The following HCN1 variants were observed in gnomAD, a reference collection of about 807,000 sequenced individuals.
HCN1 encodes the protein hyperpolarization activated cyclic nucleotide gated potassium channel 1.
Under a neutral mutation model 78.9 loss-of-function variants are expected in HCN1, and 13 were observed. The ratio of observed to expected loss-of-function variants is 0.16; its 90% CI spans 0.11 to 0.26. HCN1 has a LOEUF of 0.26. HCN1 is among the 10% of genes least tolerant of loss of function. The pLI, the probability that HCN1 is intolerant of heterozygous loss-of-function variation, is 1.00. For missense variants in HCN1, 810 were observed against 1,154.3 expected (o/e 0.70, Z 4.32); for synonymous variants, 552 against 455.5 (o/e 1.21, Z -2.70).
intron 6 of HCN1, among the ~76,000 whole-genome samples, chr5:45,292,498 T>C (rs571675808): frequency 1.3e-5 from 2 of 152,102 alleles, no homozygotes; most frequent in African/African-American, 4.8e-5. Flanking sequence ...GACTATATTA[T>C]CTGATCCCTA....
At chr5:45,435,655 G>T (rs1338478507) in intron 3 of HCN1, among the ~76,000 whole-genome samples, 2 of 152,142 alleles carry the variant, frequency 1.3e-5, no homozygotes, top group Non-Finnish European at 2.9e-5. Context: ...GAGATGGGGT[G>T]TGGGTTTAAT....
intron 2 of HCN1, among the ~76,000 whole-genome samples, chr5:45,470,386 A>G (rs1336340048): frequency 6.6e-6 from 1 of 151,970 alleles, no homozygotes; most frequent in Non-Finnish European, 1.5e-5. Flanking sequence ...ATATAAAAAC[A>G]TATTAGTGCA....
chr5:45,617,024 T>C (rs1286886534), intron 2 of HCN1, among the ~76,000 whole-genome samples: 1 of 152,134 alleles, frequency 6.6e-6, no homozygotes, highest in African/African-American at 2.4e-5. Flanking sequence ...TAGTAGGAGC[T>C]AGAGGTGGGA....
chr5:45,427,059 G>A (rs1320767336), intron 3 of HCN1, among the ~76,000 whole-genome samples: 2 of 151,604 alleles, frequency 1.3e-5, no homozygotes, highest in African/African-American at 2.4e-5. Context: ...ACACATATTC[G>A]AGTAGTCTTG....
chr5:45,602,854 T>G (rs779099823), intron 2 of HCN1, among the ~76,000 whole-genome samples: 3 of 152,066 alleles, frequency 2.0e-5, no homozygotes, highest in African/African-American at 7.2e-5. Context: ...TTCACTTCTA[T>G]TCTTAATAAT....
intron 6 of HCN1, among the ~76,000 whole-genome samples, chr5:45,282,565 G>A (rs1247387130): frequency 6.6e-6 from 1 of 152,116 alleles, no homozygotes; most frequent in East Asian, 1.9e-4. Context: ...TACTGTCAGT[G>A]GAATAAATTT....
At chr5:45,372,211 A>ATTT (rs1227935982) in intron 4 of HCN1, among the ~76,000 whole-genome samples, 1 of 72,996 alleles carries the variant, frequency 1.4e-5, no homozygotes, top group South Asian at 4.2e-4. Flanking sequence ...TACATATTAT[A>ATTT]TAATATAATA....
chr5:45,508,959 C>T (rs148196219), intron 2 of HCN1, among the ~76,000 whole-genome samples: 89 of 152,150 alleles, frequency 5.8e-4, no homozygotes, highest in African/African-American at 1.8e-3. Flanking sequence ...ACTATTCAGC[C>T]TGCTTGTAAA....
chr5:45,310,778 G>C (rs1476224992), intron 5 of HCN1, among the ~76,000 whole-genome samples: 1 of 152,140 alleles, frequency 6.6e-6, no homozygotes, highest in African/African-American at 2.4e-5. Flanking sequence ...GCTCATCAAT[G>C]AATGACTGGA....
intron 2 of HCN1, among the ~76,000 whole-genome samples, chr5:45,607,423 A>G (rs1744744915): frequency 6.6e-6 from 1 of 151,686 alleles, no homozygotes; most frequent in South Asian, 2.1e-4. Context: ...TGGTTAATAA[A>G]AGAAGCATAA....
intron 2 of HCN1, among the ~76,000 whole-genome samples, chr5:45,465,765 A>C (rs1741257941): frequency 6.6e-6 from 1 of 152,180 alleles, no homozygotes; most frequent in Non-Finnish European, 1.5e-5. Flanking sequence ...GAAAAAAAAA[A>C]GTTTTTAAAC....
intron 3 of HCN1, among the ~76,000 whole-genome samples, chr5:45,418,411 G>A (rs1740161207): frequency 6.7e-6 from 1 of 148,740 alleles, no homozygotes; most frequent in Admixed American, 6.6e-5. Context: ...GATGAGCTCT[G>A]TGATAGGCTA....
In HCN1 at chr5:45,293,479, A is replaced by AAAAACAAAAC. The variant is rs531512653; in HGVS notation, c.1618+10110_1618+10119dup. On this transcript the variant is annotated intron_variant, in intron 6 of 7. Coordinates refer to ENST00000303230, the MANE Select transcript of HCN1 (RefSeq NM_021072.4). ...GGTGACAGAGCAAGACATGGTCTAC[A>AAAAACAAAAC]AAAACAAAACAAAACAAAACAAAAC... is the stretch of plus-strand genomic sequence containing the variant. Among the ~76,000 whole-genome samples, 591 of 151,938 alleles carry AAAAACAAAAC rather than the reference A, an allele frequency of 3.9e-3. 3 individuals carry two copies. The highest frequency in any genetic ancestry group is 0.012 in the African/African-American group (515 of 41,448).
intron 4 of HCN1, among the ~76,000 whole-genome samples, chr5:45,370,301 C>G (rs1747326327): frequency 6.6e-6 from 1 of 151,998 alleles, no homozygotes; most frequent in Admixed American, 6.6e-5. Flanking sequence ...AAGATGTTAA[C>G]TGAAAAACTT....
intron 2 of HCN1, among the ~76,000 whole-genome samples, chr5:45,546,572 T>G (rs1008561378): frequency 3.9e-5 from 6 of 151,928 alleles, no homozygotes; most frequent in Admixed American, 3.9e-4. Flanking sequence ...TTTCCCATCT[T>G]AGTTCTATTA....
chr5:45,416,793 A>G (rs1740127478), intron 3 of HCN1, among the ~76,000 whole-genome samples: 1 of 152,018 alleles, frequency 6.6e-6, no homozygotes, highest in Non-Finnish European at 1.5e-5. Context: ...AAAAGTGGCA[A>G]AAGTTTTCCC....
chr5:45,309,006 T>C (rs554535937), intron 5 of HCN1, among the ~76,000 whole-genome samples: 9 of 152,336 alleles, frequency 5.9e-5, no homozygotes, highest in African/African-American at 2.2e-4. Flanking sequence ...GAGTATGGAA[T>C]GTTTTTCCAT....
intron 5 of HCN1, among the ~76,000 whole-genome samples, chr5:45,345,344 C>A (rs1283630759): frequency 6.6e-6 from 1 of 152,196 alleles, no homozygotes; most frequent in Non-Finnish European, 1.5e-5. Context: ...GAGATATTTT[C>A]TCCATTATCC....
intron 2 of HCN1, among the ~76,000 whole-genome samples, chr5:45,622,047 C>A (rs953763161): frequency 6.6e-6 from 1 of 151,860 alleles, no homozygotes; most frequent in Non-Finnish European, 1.5e-5. Flanking sequence ...GGTGAAACCC[C>A]GTCTCTACTA....
Sources: gnomAD v4.1 joint callset for allele counts (sites outside exome capture counted in the v4.1 genomes callset) on GRCh38, gnomAD v4.1.1 for gene constraint, MANE v1.5 for transcripts, NCBI Gene and HGNC (gene_info 2026-07-23, HGNC 2026-07-21) for gene names.